The following GRM6 variants were observed in gnomAD, a reference collection of about 807,000 sequenced individuals.
GRM6 encodes the protein glutamate metabotropic receptor 6, also known as metabotropic glutamate receptor 6.
Under a neutral mutation model 78.4 loss-of-function variants are expected in GRM6, and 73 were observed. The observed-to-expected ratio is 0.93, with a 90% CI of 0.77 to 1.13. The LOEUF (loss-of-function observed/expected upper bound fraction) is 1.13, where lower values mean the gene tolerates loss of function less well. Ranked by LOEUF, GRM6 falls within the 50% of genes most tolerant of loss-of-function variation. The pLI is 0.00. For missense variants in GRM6, 1,251 were observed against 1,256.4 expected, an observed-to-expected ratio of 1.00 and a Z score of 0.07; for synonymous variants, 580 against 555.0, an observed-to-expected ratio of 1.05 and a Z score of -0.63.
intron 9 of GRM6, chr5:178,985,823 G>A (rs758326982): frequency 6.1e-5 from 32 of 528,724 alleles, no homozygotes; most frequent in Admixed American, 1.4e-4. Flanking sequence ...TTGTAGTGGT[G>A]CGATCTTGGC....
Position 178,986,815 on chromosome 5 carries a change from T to C in GRM6, c.1500+23A>G, listed in dbSNP as rs2256966. On this transcript the variant is annotated intron_variant, in intron 8 of 10. Transcript: ENST00000517717. The stretch of plus-strand genomic sequence containing the variant: ...CCGGGATCCTGGGCCCATGCCCACC[T>C]GGGGCTCGGTCTGCACACTCACATC... 0.64 allele frequency: 1,024,448 copies of C among 1,612,462 alleles called. 329,175 individuals are homozygous for C. The highest frequency in any genetic ancestry group is 0.66 in the Non-Finnish European group (782,932 of 1,179,460).
intron 9 of GRM6, chr5:178,985,911 A>G (rs1760530863): frequency 3.4e-6 from 2 of 586,286 alleles, no homozygotes; most frequent in South Asian, 2.0e-5. Flanking sequence ...ACAGGCACGC[A>G]CCACCATGCC....
At position 178,978,460 on chromosome 5, in the gene GRM6, A is replaced by G. The variant is rs1760329388; in HGVS notation, c.*3197T>C. The G allele has an allele frequency of 6.6e-6, 1 of 152,236 alleles. No individual in the cohort carries two copies. Among genetic ancestry groups the G allele is most frequent in the South Asian group, 2.1e-4 (1 of 4,828 alleles). The allele number at this position is 152,236 out of a possible 1,614,324, so 9.4% of individuals were successfully genotyped here. On this transcript the variant is annotated 3_prime_UTR_variant, in exon 11 of 11. Transcript: ENST00000517717. ...GAGCAAAAAGGATAAGAAATGGGACAAAGCTATAATAAATGTGTCAGAAGA... is the reference window on the plus strand; with the variant it reads ...GAGCAAAAAGGATAAGAAATGGGACGAAGCTATAATAAATGTGTCAGAAGA...
chr5:178,981,468 C>T lies in GRM6; in HGVS notation c.*189G>A, dbSNP rs1284213691. On this transcript the variant is annotated 3_prime_UTR_variant, in exon 11 of 11. Coordinates refer to ENST00000517717, the MANE Select transcript of GRM6 (RefSeq NM_000843.4). The surrounding 1 kb of genome is among the most constrained non-coding windows in gnomAD (Gnocchi z 5.1). ...GTCTGTGGTGAGGAAGCATGAAGCT[C>T]ACATGCTGGAATCGGGGTAGAGCTG... The T allele has an allele frequency of 3.4e-6, 2 of 592,426 alleles. No individual in the cohort carries two copies. The highest frequency in any genetic ancestry group is 6.0e-6 in the Non-Finnish European group (2 of 332,228). 36.7% of individuals were successfully genotyped at this position (592,426 alleles called of 1,614,324 possible).
chr5:178,995,094 G>A (rs1039617360), intron 1 of GRM6, 134 bp from the exon 2 acceptor site: 44 of 368,134 alleles, frequency 1.2e-4, no homozygotes, highest in Non-Finnish European at 1.6e-4. Flanking sequence ...GCTCTGGGGA[G>A]TTAGCTCAGC....
rs1370541945 is a variant in GRM6 at position 178,990,671 on chromosome 5, G to T, written c.933C>A (p.Ala311=). The change falls in exon 5 of 11, where the codon GCC becomes GCA. Residue 311 remains alanine (A), a synonymous_variant. Coordinates refer to ENST00000517717, the MANE Select transcript of GRM6 (RefSeq NM_000843.4). ...FLWVGSDSWG[A]KTSPILSLED... ...CCAGGCTCAAGATGGGTGAGGTCTTGGCTCCCCAGCTGTCTGAGCCGACCC... is the reference window on the plus strand; with the variant it reads ...CCAGGCTCAAGATGGGTGAGGTCTTTGCTCCCCAGCTGTCTGAGCCGACCC... 1.2e-6 allele frequency: 2 copies of T among 1,608,148 alleles called. No homozygotes were observed. Among genetic ancestry groups the T allele is most frequent in the Middle Eastern group, 1.7e-4 (1 of 5,840 alleles).
Position 178,989,125 on chromosome 5 carries a change from G to A in GRM6, c.1164C>T (p.Arg388=), listed in dbSNP as rs1581896529. ...DSTRKCTGEE[R]IGRDSTYEQE... is the part of the protein sequence containing the mutation. ...GCTCGTAGGTGGAGTCCCGGCCGAT[G>A]CGTTCCTCGCCTGTCCTAGGGATGC... Residue 388 remains arginine (R), a synonymous_variant, in exon 7 of 11, where the codon CGC becomes CGT. Coordinates refer to ENST00000517717, the MANE Select transcript of GRM6 (RefSeq NM_000843.4). 2 of 1,613,942 alleles carry A rather than the reference G, an allele frequency of 1.2e-6. No homozygotes were observed. The highest frequency in any genetic ancestry group is 2.2e-5 in the East Asian group (1 of 44,846).
intron 7 of GRM6, chr5:178,987,204 C>T (rs965060349): frequency 1.9e-5 from 13 of 681,816 alleles, no homozygotes; most frequent in East Asian, 5.6e-5. Context: ...GTGGAGAAGT[C>T]GGAACCCTTG....
In GRM6 at chr5:178,983,144, G is replaced by T; in HGVS notation, c.2202C>A (p.Asp734Glu). 6.2e-7 allele frequency: 1 copy of T among 1,613,946 alleles called. No homozygotes were observed. Reference protein sequence around the residue: ...VIDYEEQRTVDPEQARGVLKC... With the variant: ...VIDYEEQRTVEPEQARGVLKC... ...TGAGCACCCCTCTGGCCTGCTCGGG[G>T]TCCACCGTCCGCTGTTCCTCATAGT... is the stretch of plus-strand genomic sequence containing the variant. The change falls in exon 10 of 11, where the codon GAC becomes GAA. Residue 734 changes from aspartate to glutamate, a missense_variant. Asp to Glu is a conservative substitution (Grantham distance 45). Transcript: ENST00000517717.
chr5:178,988,690 A>G lies in GRM6; in HGVS notation c.1354+245T>C, dbSNP rs962587177. Among the ~76,000 whole-genome samples the G allele has an allele frequency of 6.6e-6, 1 of 152,192 alleles. No homozygotes were observed. The highest frequency in any genetic ancestry group is 1.5e-5 in the Non-Finnish European group (1 of 68,026). Reference sequence around the variant, plus strand: ...CTGGGGGTTCCTGGCAGAAGGGATCAGAGAAGCTCCCCAGCATCTGAACTG... The same window carrying G: ...CTGGGGGTTCCTGGCAGAAGGGATCGGAGAAGCTCCCCAGCATCTGAACTG... On this transcript the variant is annotated intron_variant, in intron 7 of 10. Coordinates refer to ENST00000517717, the MANE Select transcript of GRM6 (RefSeq NM_000843.4). The surrounding 1 kb of genome is among the most constrained non-coding windows in gnomAD (Gnocchi z 6.0).
intron 2 of GRM6, among the ~76,000 whole-genome samples, chr5:178,993,414 G>A (rs1428522986): frequency 1.3e-5 from 2 of 152,170 alleles, no homozygotes; most frequent in Non-Finnish European, 2.9e-5. Context: ...AGCCTGTCTG[G>A]TGCCAGCGTG....
Position 178,986,162 on chromosome 5 carries a change from G to C in GRM6, c.2092C>G (p.Leu698Val), listed in dbSNP as rs62638623. 12,799 of 1,613,856 alleles carry C rather than the reference G, an allele frequency of 7.9e-3. 61 individuals are homozygous for C. Among genetic ancestry groups the C allele is most frequent in the Non-Finnish European group, 9.9e-3 (11,684 of 1,179,802 alleles). Residue 698 changes from leucine to valine, a missense_variant, in exon 9 of 11, where the codon CTG becomes GTG. Physicochemically the swap from Leu to Val is conservative, Grantham distance 32. Transcript: ENST00000517717. ...PPPFISPTSQ[L>V]VITFSLTSLQ... ...GAGGTGAGGCTGAAGGTGATGACCA[G>C]CTGTGAGGTGGGGCTGATGAAGGGA...
Position 178,986,014 on chromosome 5 carries a change from A to T in GRM6, c.2124+116T>A, listed in dbSNP as rs934209818. On this transcript the variant is annotated intron_variant, in intron 9 of 10. Coordinates refer to ENST00000517717, the MANE Select transcript of GRM6 (RefSeq NM_000843.4). ...TGGACTCAGGTGATCCACCCACCTC[A>T]GCCTCCAAAGGTGCTGGGACTACAG... The T allele has an allele frequency of 3.4e-5, 32 of 939,468 alleles. No individual in the cohort carries two copies. The Admixed American group carries it at 8.0e-4, about 24-fold the overall frequency. The allele number at this position is 939,468 out of a possible 1,614,324, so 58.2% of individuals were successfully genotyped here. A position where few individuals can be genotyped will look rare whatever the true frequency, so the allele number is the denominator to read the frequency against.
intron 9 of GRM6, chr5:178,985,574 G>T: frequency 1.8e-5 from 6 of 339,664 alleles, no homozygotes; most frequent in South Asian, 1.4e-4. Flanking sequence ...GTGGTGGCGG[G>T]CGCCTGTAGT....
intron 7 of GRM6, chr5:178,987,531 A>T: frequency 2.3e-6 from 1 of 440,146 alleles, no homozygotes. Flanking sequence ...CCTGGAGGAC[A>T]TGATGCTCGG....
rs760166288 is a variant in GRM6 at position 178,986,676 on chromosome 5, C to T, written c.1578G>A (p.Glu526=). The T allele has an allele frequency of 3.7e-6, 6 of 1,603,386 alleles. No homozygotes were observed. In the East Asian group the frequency reaches 1.1e-4, roughly 30 times the overall value. Residue 526 remains glutamate (E), a synonymous_variant, in exon 9 of 11, where the codon GAG becomes GAA. Coordinates refer to ENST00000517717, the MANE Select transcript of GRM6 (RefSeq NM_000843.4). ...GGACGCCCTTCACCATCTTCTTCCG[C>T]TCCCCCGGCCCGCAGGGCAGGCTGC... ...SLCSLPCGPG[E]RKKMVKGVPC... is the part of the protein sequence containing the mutation.
In GRM6 at chr5:178,983,192, G is replaced by A. The variant is rs758669971; in HGVS notation, c.2154C>T (p.Ala718=). 19 of 1,612,992 alleles carry A rather than the reference G, an allele frequency of 1.2e-5. No individual in the cohort carries two copies. The Admixed American group carries it at 2.3e-4, about 20-fold the overall frequency. Residue 718 remains alanine (A), a synonymous_variant, in exon 10 of 11, where the codon GCC becomes GCT. Coordinates refer to ENST00000517717, the MANE Select transcript of GRM6 (RefSeq NM_000843.4). ...AGTCAATCACGCTGTGTGGGGGCCG[G>A]GCCCCCAGCCATGCTATCATCCCCA... is the stretch of plus-strand genomic sequence containing the variant. The part of the protein sequence containing the change: ...QVVGMIAWLG[A]RPPHSVIDYE...
At chr5:178,993,806 G>C (rs1350585925) in intron 2 of GRM6, among the ~76,000 whole-genome samples, 2 of 152,190 alleles carry the variant, frequency 1.3e-5, no homozygotes, top group Admixed American at 1.3e-4. Context: ...GGACAGAGCA[G>C]GGCCAGCCCG....
At position 178,990,691 on chromosome 5, in the gene GRM6, C is replaced by A. The variant is rs371669870; in HGVS notation, c.913G>T (p.Gly305Cys). Reference protein sequence around the residue: ...ANLTGHFLWVGSDSWGAKTSP... With the variant: ...ANLTGHFLWVCSDSWGAKTSP... ...GTCTTGGCTCCCCAGCTGTCTGAGC[C>A]GACCCACAGGAAGTGGCCGGTCAGG... The change falls in exon 5 of 11, where the codon GGC becomes TGC. Residue 305 changes from glycine (G) to cysteine (C), a missense_variant. Physicochemically the swap from Gly to Cys is radical, Grantham distance 159. Transcript: ENST00000517717. 9 of 1,599,398 alleles carry A rather than the reference C, an allele frequency of 5.6e-6. No homozygotes were observed. Among genetic ancestry groups the A allele is most frequent in the Middle Eastern group, 1.8e-4 (1 of 5,592 alleles).
Sources: allele counts gnomAD v4.1 joint callset (sites outside exome capture counted in the v4.1 genomes callset), GRCh38; gene constraint gnomAD v4.1.1; non-coding constraint Gnocchi (gnomAD v3.1); transcripts MANE v1.5; gene names NCBI Gene and HGNC (gene_info 2026-07-23, HGNC 2026-07-21).